ACACB: variants seen among roughly 807,000 people sequenced by gnomAD.
The protein encoded by ACACB is acetyl-CoA carboxylase 2.
Under a neutral mutation model 278.8 loss-of-function variants are expected in ACACB, and 209 were observed. That is an observed-to-expected ratio of 0.75 (90% confidence interval 0.67 to 0.84). ACACB has a LOEUF of 0.84. ACACB is among the 40% of genes least tolerant of loss of function. ACACB has a pLI of 0.00. For synonymous variants in ACACB, 1,174 were observed against 1,285.6 expected, an observed-to-expected ratio of 0.91 and a Z score of 1.86; for missense variants, 2,850 against 3,269.0, an observed-to-expected ratio of 0.87 and a Z score of 3.13.
At chr12:109,123,009 G>A (rs146036878) in intron 1 of ACACB, among the ~76,000 whole-genome samples, 3,776 of 151,752 alleles carry the variant, frequency 0.025, 230 homozygotes, top group East Asian at 0.25. Flanking sequence ...GTGAAACCCC[G>A]TCTCTACTAA....
At chr12:109,261,063 G>A (rs557708499) in intron 48 of ACACB, among the ~76,000 whole-genome samples, 4 of 152,182 alleles carry the variant, frequency 2.6e-5, no homozygotes, top group East Asian at 3.8e-4. Context: ...AGAGGATACC[G>A]GTTCTTCGCG....
At chr12:109,159,816 G>A (rs145794682) in intron 2 of ACACB, among the ~76,000 whole-genome samples, 10 of 152,096 alleles carry the variant, frequency 6.6e-5, no homozygotes, top group Admixed American at 4.6e-4. Context: ...AGGGCTGGGC[G>A]CGGTGGCTCA....
chr12:109,150,764 G>A (rs915284394), intron 2 of ACACB, among the ~76,000 whole-genome samples: 30 of 152,136 alleles, frequency 2.0e-4, no homozygotes, highest in African/African-American at 7.0e-4. Flanking sequence ...ATCTCTTATC[G>A]GCTCCAAGCA....
chr12:109,193,846 G>A, intron 16 of ACACB, 117 bp downstream of exon 16: 1 of 868,334 alleles, frequency 1.2e-6, no homozygotes, highest in Non-Finnish European at 1.8e-6. Context: ...GAGCTCTTGT[G>A]TTCCTCGGGA....
At chr12:109,198,148 T>G (rs2045206933) in intron 17 of ACACB, among the ~76,000 whole-genome samples, 1 of 152,146 alleles carries the variant, frequency 6.6e-6, no homozygotes, top group Admixed American at 6.6e-5. Flanking sequence ...TTGGCCAGCC[T>G]TGGCCTCCCA....
chr12:109,252,702 C>A (rs141239448), intron 42 of ACACB: 2 of 216,528 alleles, frequency 9.2e-6, no homozygotes. Context: ...TGCTGCAGAC[C>A]TGCTGAATCA....
In ACACB at chr12:109,147,331, C is replaced by G. The variant is rs1487873410; in HGVS notation, c.653+7273C>G. 2.0e-5 allele frequency among the ~76,000 whole-genome samples: 3 copies of G among 151,686 alleles called. No homozygotes were observed. The East Asian group carries it at 5.8e-4, about 29-fold the overall frequency. Reference sequence around the variant, plus strand: ...CTGCAACCCCACAGGCTCAAGAAATCCTCCCACATCAGCCTCCTGAGAAGC... The same window carrying G: ...CTGCAACCCCACAGGCTCAAGAAATGCTCCCACATCAGCCTCCTGAGAAGC... On this transcript the variant is annotated intron_variant, in intron 2 of 52. Coordinates refer to ENST00000338432, the MANE Select transcript of ACACB (RefSeq NM_001093.4).
intron 1 of ACACB, among the ~76,000 whole-genome samples, chr12:109,122,782 C>T (rs1369711084): frequency 6.6e-6 from 1 of 151,820 alleles, no homozygotes; most frequent in Non-Finnish European, 1.5e-5. Context: ...GCACAGTGGT[C>T]CCCCAATGCA....
chr12:109,224,856 C>T (rs189903215), intron 27 of ACACB, among the ~76,000 whole-genome samples: 7 of 152,264 alleles, frequency 4.6e-5, no homozygotes, highest in South Asian at 2.1e-4. Flanking sequence ...CCCTCTTACC[C>T]GGGTCTGCTT....
intron 16 of ACACB, 118 bp from the exon 17 acceptor site, chr12:109,196,890 G>A (rs1593528629): frequency 3.4e-6 from 4 of 1,178,996 alleles, no homozygotes; most frequent in Non-Finnish European, 4.5e-6. Context: ...AGAGACGGGG[G>A]TGTTCATCTT....
chr12:109,226,464 C>T (rs1271867461), intron 27 of ACACB, among the ~76,000 whole-genome samples: 4 of 152,060 alleles, frequency 2.6e-5, no homozygotes. Flanking sequence ...CTTTGGGAGG[C>T]CAAGGCGGGC....
At chr12:109,118,473 G>C (rs1417597704) in intron 1 of ACACB, among the ~76,000 whole-genome samples, 3 of 150,084 alleles carry the variant, frequency 2.0e-5, no homozygotes, top group African/African-American at 7.4e-5. Flanking sequence ...GAGTGCGATG[G>C]CACAATCTCA....
At chr12:109,204,974 G>A (rs1182368657) in intron 19 of ACACB, among the ~76,000 whole-genome samples, 1 of 152,012 alleles carries the variant, frequency 6.6e-6, no homozygotes, top group African/African-American at 2.4e-5. Context: ...AGACTCCCGG[G>A]TAGCAAGTAC....
At chr12:109,139,361 G>T (rs1385743189) in intron 1 of ACACB, 36 bp from the exon 2 acceptor site, 1 of 1,562,776 alleles carries the variant, frequency 6.4e-7, no homozygotes. Flanking sequence ...ACTTGATTAT[G>T]TAAATCCTAA....
intron 1 of ACACB, among the ~76,000 whole-genome samples, chr12:109,119,556 C>T (rs984755587): frequency 2.0e-5 from 3 of 149,760 alleles, no homozygotes; most frequent in Non-Finnish European, 4.4e-5. Flanking sequence ...TGCCACCGCA[C>T]TCCAGCCTGG....
chr12:109,159,951 A>G (rs1235148284), intron 2 of ACACB, among the ~76,000 whole-genome samples: 3 of 151,830 alleles, frequency 2.0e-5, no homozygotes, highest in Non-Finnish European at 4.4e-5. Context: ...TTAGCCAGGC[A>G]TGGTGGCAGG....
chr12:109,181,080 G>A (rs1303260416), intron 11 of ACACB, among the ~76,000 whole-genome samples: 3 of 151,872 alleles, frequency 2.0e-5, no homozygotes, highest in African/African-American at 7.3e-5. Context: ...AACATGCAAA[G>A]TTTGTTTTTC....
chr12:109,210,948 TA>T lies in ACACB; in HGVS notation c.3249+1608del, dbSNP rs1349806031. Among the ~76,000 whole-genome samples, 645 of 142,228 alleles carry T rather than the reference TA, an allele frequency of 4.5e-3. 1 individual carries two copies. Among genetic ancestry groups the T allele is most frequent in the African/African-American group, 9.6e-3 (373 of 39,006 alleles). The allele number at this position is 142,228 out of a possible 152,430, so 93.3% of individuals were successfully genotyped here. A position where few individuals can be genotyped will look rare whatever the true frequency, so the allele number is the denominator to read the frequency against. ...ATCATAGTTGCATTTGTGAACATGT[TA>T]AAAAAAAAAAAAGAATGGAAGCCAT... On this transcript the variant is annotated intron_variant, in intron 21 of 52. Coordinates refer to ENST00000338432, the MANE Select transcript of ACACB (RefSeq NM_001093.4).
At chr12:109,133,353 C>A (rs918729164) in intron 1 of ACACB, among the ~76,000 whole-genome samples, 6 of 151,976 alleles carry the variant, frequency 3.9e-5, no homozygotes, top group Admixed American at 3.3e-4. Flanking sequence ...GCCTCAGCCT[C>A]CTGAGTACCT....
Sources: gnomAD v4.1 joint callset for allele counts (sites outside exome capture counted in the v4.1 genomes callset) on GRCh38, gnomAD v4.1.1 for gene constraint, MANE v1.5 for transcripts, NCBI Gene and HGNC (gene_info 2026-07-23, HGNC 2026-07-21) for gene names.